Variants in TDRD3 observed in about 807,000 individuals in gnomAD.
TDRD3 encodes tudor domain containing 3.
A neutral mutation model predicts 86.7 loss-of-function variants in TDRD3; 45 were observed. The ratio of observed to expected loss-of-function variants is 0.52; its 90% CI spans 0.41 to 0.67. TDRD3 has a LOEUF of 0.67. Among genes scored for constraint, TDRD3 ranks in the 30% least tolerant of loss-of-function variants. The pLI, the probability that TDRD3 is intolerant of heterozygous loss-of-function variation, is 0.00. For synonymous variants in TDRD3, 298 were observed against 301.7 expected, an observed-to-expected ratio of 0.99 and a Z score of 0.13; for missense variants, 814 against 889.0, an observed-to-expected ratio of 0.92 and a Z score of 1.07.
Position 60,528,636 on chromosome 13 carries a change from G to C in TDRD3, c.1411G>C (p.Asp471His). 6.2e-7 allele frequency: 1 copy of C among 1,613,894 alleles called. No homozygotes were observed. The highest frequency in any genetic ancestry group is 8.5e-7 in the Non-Finnish European group (1 of 1,179,914). Residue 471 changes from aspartate (D) to histidine (H), a missense_variant, in exon 11 of 14, where the codon GAT (aspartate) becomes CAT (histidine). Physicochemically the swap from Asp to His is moderately conservative, Grantham distance 81. Transcript: ENST00000377881. ...EVWAEDRIKCDRPYSRYDRTK... is the reference protein window; with the variant it reads ...EVWAEDRIKCHRPYSRYDRTK... Reference sequence around the variant, plus strand: ...ATGGGCTGAAGACAGAATCAAATGTGATAGACCGTATTCTAGATATGACAG... The same window carrying C: ...ATGGGCTGAAGACAGAATCAAATGTCATAGACCGTATTCTAGATATGACAG...
At chr13:60,469,134 C>T (rs1211353720) in intron 5 of TDRD3, among the ~76,000 whole-genome samples, 1 of 152,110 alleles carries the variant, frequency 6.6e-6, no homozygotes, top group African/African-American at 2.4e-5. Flanking sequence ...TGTTCCACAA[C>T]TGCATTGTTT....
intron 4 of TDRD3, among the ~76,000 whole-genome samples, chr13:60,466,842 G>C (rs1010107406): frequency 3.3e-5 from 5 of 151,900 alleles, no homozygotes; most frequent in Non-Finnish European, 5.9e-5. Context: ...CTTCCTCTCT[G>C]GTGGTCTATT....
At chr13:60,400,942 AT>A (rs1172010834) in intron 1 of TDRD3, among the ~76,000 whole-genome samples, 1 of 152,194 alleles carries the variant, frequency 6.6e-6, no homozygotes, top group African/African-American at 2.4e-5. Flanking sequence ...ACCGCATCTA[AT>A]TTAAATTATT....
rs551608110 is a variant in TDRD3 at position 60,565,614 on chromosome 13, TA to T, written c.2119-1907del. Among the ~76,000 whole-genome samples, 698 of 152,322 alleles carry T rather than the reference TA, an allele frequency of 4.6e-3. 5 individuals carry two copies. The highest frequency in any genetic ancestry group is 0.016 in the African/African-American group (675 of 41,578). On this transcript the variant is annotated intron_variant, in intron 12 of 13. Coordinates refer to ENST00000377881, the MANE Select transcript of TDRD3 (RefSeq NM_001146070.2). Reference sequence around the variant, plus strand: ...GTCCTATCTCTGTGTATTTTATTAATAAAATACAGATTTTTAGATGTTCTCC... The same window carrying T: ...GTCCTATCTCTGTGTATTTTATTAATAAATACAGATTTTTAGATGTTCTCC...
chr13:60,507,945 G>A (rs1194019642), intron 8 of TDRD3, among the ~76,000 whole-genome samples: 2 of 152,172 alleles, frequency 1.3e-5, no homozygotes, highest in African/African-American at 4.8e-5. Flanking sequence ...CAAAGCCAAT[G>A]TGCAAAAATC....
rs1595075708 is a variant in TDRD3 at position 60,529,212 on chromosome 13, A to G, written c.1987A>G (p.Asn663Asp). Residue 663 changes from asparagine to aspartate, a missense_variant, in exon 11 of 14, where the codon AAC becomes GAC. Transcript: ENST00000377881. ...DECFALYWEDNKFYRAEVEAL... is the reference protein window; with the variant it reads ...DECFALYWEDDKFYRAEVEAL... Reference sequence around the variant, plus strand: ...ATGTTTTGCACTTTATTGGGAAGACAACAAGGTATGGATGCTTTAAAGATA... The same window carrying G: ...ATGTTTTGCACTTTATTGGGAAGACGACAAGGTATGGATGCTTTAAAGATA... The G allele has an allele frequency of 6.3e-7, 1 of 1,593,712 alleles. No individual in the cohort carries two copies. Among genetic ancestry groups the G allele is most frequent in the East Asian group, 2.2e-5 (1 of 44,744 alleles).
At chr13:60,445,683 T>C (rs561802862) in intron 3 of TDRD3, among the ~76,000 whole-genome samples, 1 of 152,184 alleles carries the variant, frequency 6.6e-6, no homozygotes, top group Non-Finnish European at 1.5e-5. Context: ...CCAGGAGATG[T>C]AGAGTTCTAG....
intron 10 of TDRD3, among the ~76,000 whole-genome samples, chr13:60,514,672 G>A (rs556459771): frequency 1.2e-4 from 18 of 152,282 alleles, no homozygotes; most frequent in African/African-American, 4.3e-4. Flanking sequence ...GCCTGGGAAT[G>A]TATGGTAGAG....
intron 1 of TDRD3, among the ~76,000 whole-genome samples, chr13:60,421,407 A>G (rs377219880): frequency 5.9e-5 from 9 of 152,184 alleles, no homozygotes; most frequent in South Asian, 2.1e-4. Flanking sequence ...TCTTGATTCA[A>G]TTACTTCCCA....
chr13:60,460,233 T>C, intron 3 of TDRD3, 147 bp from the exon 4 acceptor site: 2 of 684,172 alleles, frequency 2.9e-6, no homozygotes, highest in Non-Finnish European at 4.3e-6. Flanking sequence ...CTTGATAATA[T>C]ATAATTTCAG....
chr13:60,567,534 G>A lies in TDRD3; in HGVS notation c.2128G>A (p.Gly710Ser). ...TACTCTTTGCAAATAGGAGGAAGAA[G>A]GCACCTACGATCAAACTCTGGAGTT... ...PIQTEAWEEE[G>S]TYDQTLEFRR... is the part of the protein sequence containing the mutation. The change falls in exon 13 of 14, where the codon GGC becomes AGC. Residue 710 changes from glycine to serine, a missense_variant. Physicochemically the swap from Gly to Ser is moderately conservative, Grantham distance 56 (BLOSUM62 0). Coordinates refer to ENST00000377881, the MANE Select transcript of TDRD3 (RefSeq NM_001146070.2). 6.2e-7 allele frequency: 1 copy of A among 1,614,064 alleles called. No homozygotes were observed.
chr13:60,532,295 G>A lies in TDRD3; in HGVS notation c.1993-2813G>A, dbSNP rs189470688. Among the ~76,000 whole-genome samples, 352 of 152,262 alleles carry A rather than the reference G, an allele frequency of 2.3e-3. 1 individual carries two copies. The highest frequency in any genetic ancestry group is 3.7e-3 in the Non-Finnish European group (249 of 67,996). ...TTAGGGTAACTGAATGATCTTCTACGATGGCTACTTTGATTCAGATTAGAT... is the reference window on the plus strand; with the variant it reads ...TTAGGGTAACTGAATGATCTTCTACAATGGCTACTTTGATTCAGATTAGAT... On this transcript the variant is annotated intron_variant, in intron 11 of 13. Coordinates refer to ENST00000377881, the MANE Select transcript of TDRD3 (RefSeq NM_001146070.2).
At chr13:60,403,110 G>T (rs1312358680) in intron 1 of TDRD3, among the ~76,000 whole-genome samples, 2 of 150,522 alleles carry the variant, frequency 1.3e-5, no homozygotes, top group Non-Finnish European at 2.9e-5. Flanking sequence ...CAAGTGTTCA[G>T]GTTTCAAGGT....
intron 8 of TDRD3, among the ~76,000 whole-genome samples, chr13:60,503,578 C>T (rs1042707649): frequency 1.3e-5 from 2 of 152,110 alleles, no homozygotes; most frequent in Non-Finnish European, 2.9e-5. Context: ...CCAAACAATC[C>T]TGTTTATCTC....
At chr13:60,515,445 G>C (rs1325149730) in intron 10 of TDRD3, among the ~76,000 whole-genome samples, 1 of 152,152 alleles carries the variant, frequency 6.6e-6, no homozygotes, top group African/African-American at 2.4e-5. Context: ...ACACACATAA[G>C]TACAAATAGC....
intron 1 of TDRD3, among the ~76,000 whole-genome samples, chr13:60,412,419 C>T (rs75070355): frequency 0.011 from 1,702 of 152,008 alleles, 40 homozygotes; most frequent in African/African-American, 0.039. Flanking sequence ...GATAATCTTA[C>T]GTTTGTAAGG....
intron 10 of TDRD3, among the ~76,000 whole-genome samples, chr13:60,523,634 AG>A (rs1305960017): frequency 7.2e-6 from 1 of 139,860 alleles, no homozygotes; most frequent in Admixed American, 7.6e-5. Flanking sequence ...TAGAATGCAG[AG>A]GTGCCATCTT....
chr13:60,534,693 A>T (rs1957660340), intron 11 of TDRD3, among the ~76,000 whole-genome samples: 1 of 152,028 alleles, frequency 6.6e-6, no homozygotes. Flanking sequence ...TGGGAGGCCA[A>T]GGCAGGCAGA....
intron 10 of TDRD3, among the ~76,000 whole-genome samples, chr13:60,524,993 A>C (rs1409870325): frequency 1.4e-5 from 2 of 143,460 alleles, no homozygotes; most frequent in East Asian, 4.6e-4. Context: ...AGGCTGAGGC[A>C]GGAGAATCAC....
Sources: gnomAD v4.1 joint callset for allele counts (sites outside exome capture counted in the v4.1 genomes callset) on GRCh38, gnomAD v4.1.1 for gene constraint, MANE v1.5 for transcripts, NCBI Gene and HGNC (gene_info 2026-07-23, HGNC 2026-07-21) for gene names.